Variants in ELMO1 observed in about 807,000 individuals in gnomAD.
ELMO1 encodes the protein engulfment and cell motility 1, also known as engulfment and cell motility protein 1.
A neutral mutation model predicts 98.9 loss-of-function variants in ELMO1; 26 were observed. The observed-to-expected ratio is 0.26, with a 90% CI of 0.19 to 0.36. ELMO1 has a LOEUF of 0.36. ELMO1 is among the 10% of genes least tolerant of loss of function. ELMO1 has a pLI of 1.00. For missense variants in ELMO1, 627 were observed against 935.2 expected (o/e 0.67, Z 4.30); for synonymous variants, 346 against 346.0 (o/e 1.00, Z 0.00).
At chr7:37,156,903 A>C (rs571244073) in intron 13 of ELMO1, among the ~76,000 whole-genome samples, 2 of 152,234 alleles carry the variant, frequency 1.3e-5, no homozygotes, top group Non-Finnish European at 2.9e-5. Context: ...ATAAACATCA[A>C]TGTGAAAATC....
intron 14 of ELMO1, among the ~76,000 whole-genome samples, chr7:37,120,831 A>T (rs1269599476): frequency 6.6e-6 from 1 of 152,192 alleles, no homozygotes; most frequent in East Asian, 1.9e-4. Flanking sequence ...TGCCTCCTCA[A>T]GTGGGTCCCT....
At chr7:37,116,945 T>A (rs116999693) in intron 14 of ELMO1, 3 of 212,664 alleles carry the variant, frequency 1.4e-5, no homozygotes, top group Non-Finnish European at 3.0e-5. Flanking sequence ...ACATCCTGCA[T>A]CTGATGGAGG....
At chr7:37,149,757 A>G (rs1788235467) in intron 13 of ELMO1, among the ~76,000 whole-genome samples, 1 of 152,198 alleles carries the variant, frequency 6.6e-6, no homozygotes, top group African/African-American at 2.4e-5. Context: ...CCATGAATTA[A>G]TCAGAAAATC....
At chr7:37,163,449 C>A (rs558990948) in intron 13 of ELMO1, among the ~76,000 whole-genome samples, 1 of 151,932 alleles carries the variant, frequency 6.6e-6, no homozygotes, top group African/African-American at 2.4e-5. Context: ...CCCACTAACT[C>A]GTCATCTAGC....
At chr7:36,897,198 C>T (rs1239565327) in intron 16 of ELMO1, among the ~76,000 whole-genome samples, 2 of 152,176 alleles carry the variant, frequency 1.3e-5, no homozygotes, top group African/African-American at 2.4e-5. Flanking sequence ...TTTTCTGCCA[C>T]GTCTTGAGGC....
chr7:36,870,405 A>C lies in ELMO1; in HGVS notation c.1893T>G (p.Leu631=), dbSNP rs772578510. The change falls in exon 20 of 22, where the codon CTT becomes CTG. Residue 631 remains leucine (L), a synonymous_variant. Coordinates refer to ENST00000310758, the MANE Select transcript of ELMO1 (RefSeq NM_014800.11). This position sits in a 1 kb window ranked among gnomAD's most constrained non-coding sequence, Gnocchi z 4.4. ...TTGGAAATCATACCTTGTTTTGTTT[A>C]AGGGCACCTTTCTCTTTCATATGAG... ...DCPHMKEKGA[L]KQNKEVLELA... is the part of the protein sequence containing the mutation. 1 of 1,614,098 alleles carries C rather than the reference A, an allele frequency of 6.2e-7. No individual in the cohort carries two copies. Among genetic ancestry groups the C allele is most frequent in the South Asian group, 1.1e-5 (1 of 91,076 alleles).
At chr7:37,390,391 A>G (rs1245615217) in intron 1 of ELMO1, among the ~76,000 whole-genome samples, 1 of 152,164 alleles carries the variant, frequency 6.6e-6, no homozygotes, top group Non-Finnish European at 1.5e-5. Context: ...CAAGTAGGAA[A>G]TCTGACTGAC....
chr7:37,319,507 A>C (rs939525174), intron 2 of ELMO1, among the ~76,000 whole-genome samples: 1 of 152,042 alleles, frequency 6.6e-6, no homozygotes, highest in Non-Finnish European at 1.5e-5. Context: ...ATCACCCTTA[A>C]TTCTGCTTCC....
At chr7:37,195,815 T>G (rs1201179709) in intron 13 of ELMO1, among the ~76,000 whole-genome samples, 1 of 152,114 alleles carries the variant, frequency 6.6e-6, no homozygotes, top group African/African-American at 2.4e-5. Flanking sequence ...GCCCTAATGC[T>G]CATAAGTCAC....
chr7:36,878,959 T>A (rs927841323), intron 18 of ELMO1, among the ~76,000 whole-genome samples: 1 of 152,214 alleles, frequency 6.6e-6, no homozygotes, highest in African/African-American at 2.4e-5. Context: ...AAGCCCTCTT[T>A]ATCCCTGCAG....
intron 8 of ELMO1, among the ~76,000 whole-genome samples, chr7:37,225,314 C>T (rs1276852136): frequency 6.6e-6 from 1 of 152,140 alleles, no homozygotes; most frequent in East Asian, 1.9e-4. Flanking sequence ...GGATTATTCT[C>T]CTGAGTTTCA....
chr7:37,249,296 T>A (rs1186890382), intron 6 of ELMO1, among the ~76,000 whole-genome samples: 1 of 152,248 alleles, frequency 6.6e-6, no homozygotes, highest in East Asian at 1.9e-4. Context: ...TTTATATACA[T>A]GTAATATACA....
At chr7:37,033,025 G>A (rs773047001) in intron 15 of ELMO1, among the ~76,000 whole-genome samples, 1 of 152,138 alleles carries the variant, frequency 6.6e-6, no homozygotes, top group Non-Finnish European at 1.5e-5. Context: ...ACGCCGAGAA[G>A]CGATAAAATC....
intron 16 of ELMO1, among the ~76,000 whole-genome samples, chr7:36,905,780 G>A (rs1169575566): frequency 6.6e-6 from 1 of 152,190 alleles, no homozygotes; most frequent in East Asian, 1.9e-4. Context: ...CATCTGTGGA[G>A]TGAATGAATG....
chr7:37,207,545 T>G (rs1365755805), intron 13 of ELMO1, among the ~76,000 whole-genome samples: 2 of 152,066 alleles, frequency 1.3e-5, no homozygotes, highest in Non-Finnish European at 2.9e-5. Flanking sequence ...AGCGAGACTC[T>G]GTCTCAAAAA....
At chr7:37,412,108 T>A (rs1412559999) in intron 1 of ELMO1, among the ~76,000 whole-genome samples, 1 of 152,212 alleles carries the variant, frequency 6.6e-6, no homozygotes, top group Non-Finnish European at 1.5e-5. Context: ...CTACACATCA[T>A]CATTCAAACT....
intron 19 of ELMO1, among the ~76,000 whole-genome samples, chr7:36,875,860 G>C (rs970164182): frequency 1.3e-5 from 2 of 152,170 alleles, no homozygotes; most frequent in Non-Finnish European, 2.9e-5. Flanking sequence ...TAGCATGGGG[G>C]TGCTGTGCTA....
chr7:37,292,557 G>C (rs1349225745), intron 4 of ELMO1, among the ~76,000 whole-genome samples: 4 of 103,048 alleles, frequency 3.9e-5, no homozygotes, highest in Admixed American at 1.9e-4. Context: ...GTCTCTGCCC[G>C]GCCGCCCATC....
At chr7:36,943,757 A>T in intron 16 of ELMO1, among the ~76,000 whole-genome samples, 1 of 152,244 alleles carries the variant, frequency 6.6e-6, no homozygotes, top group East Asian at 1.9e-4. Context: ...CAATTGCAGA[A>T]CATATTTTCA....
Sources: allele counts gnomAD v4.1 joint callset (sites outside exome capture counted in the v4.1 genomes callset), GRCh38; gene constraint gnomAD v4.1.1; non-coding constraint Gnocchi (gnomAD v3.1); transcripts MANE v1.5; gene names NCBI Gene and HGNC (gene_info 2026-07-23, HGNC 2026-07-21).